Variants in HEMK2 observed in about 807,000 individuals in gnomAD.
The protein encoded by HEMK2 is methyltransferase HEMK2.
At chr21:28,876,396 T>A in the HEMK2 span, 1 of 1,607,538 alleles carries the variant, frequency 6.2e-7, no homozygotes, top group Non-Finnish European at 8.5e-7. Context: ...TAAGACTTGG[T>A]GAACTTGAGG....
At chr21:28,863,504 T>C in the HEMK2 span, among the ~76,000 whole-genome samples, 1 of 134,632 alleles carries the variant, frequency 7.4e-6, no homozygotes, top group Non-Finnish European at 1.5e-5. Flanking sequence ...AGAACGCTAA[T>C]AAACCAAGGT....
the HEMK2 span, among the ~76,000 whole-genome samples, chr21:28,734,108 G>A: frequency 7.8e-4 from 119 of 152,102 alleles, 3 homozygotes; most frequent in East Asian, 0.021. Flanking sequence ...CCTAATATCC[G>A]TATCAGGAGT....
At chr21:28,823,461 T>C in the HEMK2 span, among the ~76,000 whole-genome samples, 1 of 152,332 alleles carries the variant, frequency 6.6e-6, no homozygotes, top group African/African-American at 2.4e-5. Flanking sequence ...TGCTAATTTC[T>C]TTTGGCTGGT....
the HEMK2 span, among the ~76,000 whole-genome samples, chr21:28,595,992 G>A: frequency 1.3e-5 from 2 of 151,422 alleles, no homozygotes; most frequent in Non-Finnish European, 2.9e-5. Context: ...CACCATGTTA[G>A]CCAAGGTGGT....
At chr21:28,675,533 A>G in the HEMK2 span, among the ~76,000 whole-genome samples, 49 of 152,370 alleles carry the variant, frequency 3.2e-4, no homozygotes, top group African/African-American at 1.2e-3. Flanking sequence ...CAAATGTTAC[A>G]AGACAGAGAC....
chr21:28,825,346 A>C, the HEMK2 span, among the ~76,000 whole-genome samples: 1 of 152,240 alleles, frequency 6.6e-6, no homozygotes, highest in Non-Finnish European at 1.5e-5. Context: ...TGTTGGTCCC[A>C]GGATCACGCC....
the HEMK2 span, among the ~76,000 whole-genome samples, chr21:28,800,644 A>G: frequency 1.3e-5 from 2 of 152,158 alleles, no homozygotes; most frequent in Non-Finnish European, 2.9e-5. Flanking sequence ...AAATCTATAT[A>G]TATGTGTATA....
At chr21:28,803,166 GGCA>G in the HEMK2 span, among the ~76,000 whole-genome samples, 1 of 152,126 alleles carries the variant, frequency 6.6e-6, no homozygotes, top group African/African-American at 2.4e-5. Flanking sequence ...CAAAAACCCA[GGCA>G]GCAGAAGTCT....
At chr21:28,636,346 T>C in the HEMK2 span, among the ~76,000 whole-genome samples, 1 of 152,148 alleles carries the variant, frequency 6.6e-6, no homozygotes, top group Non-Finnish European at 1.5e-5. Flanking sequence ...ACGGGTTCTA[T>C]TTTGCCCTCT....
At chr21:28,786,374 G>A in the HEMK2 span, among the ~76,000 whole-genome samples, 63 of 152,248 alleles carry the variant, frequency 4.1e-4, 1 homozygote, top group Middle Eastern at 6.8e-3. Flanking sequence ...CCCCATTAAG[G>A]AATTGTAATT....
chr21:28,684,121 T>C, the HEMK2 span, among the ~76,000 whole-genome samples: 2 of 152,230 alleles, frequency 1.3e-5, no homozygotes, highest in South Asian at 4.1e-4. Flanking sequence ...TGCACCTATA[T>C]GCAGACCACA....
chr21:28,602,727 A>T, the HEMK2 span, among the ~76,000 whole-genome samples: 3 of 152,222 alleles, frequency 2.0e-5, no homozygotes. Context: ...GAAATGATAG[A>T]TAACAGTTTT....
At chr21:28,611,120 A>G in the HEMK2 span, among the ~76,000 whole-genome samples, 1 of 152,232 alleles carries the variant, frequency 6.6e-6, no homozygotes, top group Admixed American at 6.5e-5. Flanking sequence ...AGCATATGGA[A>G]CATTCCCCAA....
At chr21:28,824,627 T>C in the HEMK2 span, among the ~76,000 whole-genome samples, 2 of 152,200 alleles carry the variant, frequency 1.3e-5, no homozygotes, top group Non-Finnish European at 2.9e-5. Flanking sequence ...CTGACTTCAC[T>C]GGAGTTGCTT....
At chr21:28,744,005 T>G in the HEMK2 span, among the ~76,000 whole-genome samples, 2 of 152,164 alleles carry the variant, frequency 1.3e-5, no homozygotes, top group Non-Finnish European at 2.9e-5. Flanking sequence ...AAATGCCACA[T>G]GTTCTCACTA....
the HEMK2 span, among the ~76,000 whole-genome samples, chr21:28,761,430 G>A: frequency 6.6e-6 from 1 of 152,030 alleles, no homozygotes; most frequent in South Asian, 2.1e-4. Flanking sequence ...TGGCCCATGA[G>A]TCAAAATTTG....
At chr21:28,790,273 T>C in the HEMK2 span, among the ~76,000 whole-genome samples, 1 of 152,212 alleles carries the variant, frequency 6.6e-6, no homozygotes, top group South Asian at 2.1e-4. Context: ...GGAATATTTT[T>C]TCAACCCACT....
At chr21:28,621,944 C>CT in the HEMK2 span, among the ~76,000 whole-genome samples, 1 of 152,152 alleles carries the variant, frequency 6.6e-6, no homozygotes, top group Non-Finnish European at 1.5e-5. Flanking sequence ...CCTTCTTCGT[C>CT]TTTTTTTATC....
At chr21:28,637,782 C>T in the HEMK2 span, among the ~76,000 whole-genome samples, 1 of 152,114 alleles carries the variant, frequency 6.6e-6, no homozygotes, top group Admixed American at 6.5e-5. Flanking sequence ...TTAAGTTTTA[C>T]ATTTTGAAGA....
Sources: gnomAD v4.1 joint callset for allele counts (sites outside exome capture counted in the v4.1 genomes callset) on GRCh38, gnomAD v4.1.1 for gene constraint, MANE v1.5 for transcripts, NCBI Gene and HGNC (gene_info 2026-07-23, HGNC 2026-07-21) for gene names.